COMMD10: variants seen among roughly 807,000 people sequenced by gnomAD.
COMMD10 encodes the protein COMM domain containing 10.
A neutral mutation model predicts 28.9 loss-of-function variants in COMMD10; 33 were observed. The observed-to-expected ratio is 1.14, with a 90% CI of 0.87 to 1.53. COMMD10 has a LOEUF of 1.53. COMMD10 is among the 40% of genes most tolerant of loss of function. The pLI is 0.00. For synonymous variants in COMMD10, 110 were observed against 81.7 expected (o/e 1.35, Z -1.87); for missense variants, 310 against 233.4 (o/e 1.33, Z -2.14).
intron 5 of COMMD10, among the ~76,000 whole-genome samples, chr5:116,195,193 C>A (rs1224400618): frequency 6.6e-6 from 1 of 152,082 alleles, no homozygotes. Context: ...CAATGACAAA[C>A]CCACAGCCAA....
intron 6 of COMMD10, among the ~76,000 whole-genome samples, chr5:116,291,807 G>C (rs371595060): frequency 2.0e-5 from 3 of 152,000 alleles, no homozygotes; most frequent in Admixed American, 1.3e-4. Context: ...TAGGATTGTT[G>C]CTTTAATATA....
In COMMD10 at chr5:116,269,046, T is replaced by C. The variant is rs1156402802; in HGVS notation, c.511-22471T>C. Among the ~76,000 whole-genome samples the C allele has an allele frequency of 2.6e-5, 4 of 151,628 alleles. 1 individual carries two copies. Among genetic ancestry groups the C allele is most frequent in the African/African-American group, 9.8e-5 (4 of 41,002 alleles). On this transcript the variant is annotated intron_variant, in intron 5 of 6. Coordinates refer to ENST00000274458, the MANE Select transcript of COMMD10 (RefSeq NM_016144.4). ...CACCAACATGGCACGTGTATACATA[T>C]GTAACAAACCTGCATGTTGTGCACA...
chr5:116,185,277 C>G (rs1240720849), intron 5 of COMMD10, among the ~76,000 whole-genome samples: 1 of 151,892 alleles, frequency 6.6e-6, no homozygotes, highest in Non-Finnish European at 1.5e-5. Context: ...TGCTCTGAGT[C>G]CTAGGTGTCT....
rs1414086330 is a variant in COMMD10, at chr5:116,293,003, A to C, written c.*514A>C. ...GGAAATAATATAGGAAGGAAATGTA[A>C]AATAGTGAGTAGTATGGTATCAGTT... On this transcript the variant is annotated 3_prime_UTR_variant, in exon 7 of 7. Transcript: ENST00000274458. The C allele has an allele frequency of 5.0e-6, 2 of 397,296 alleles. No homozygotes were observed. The highest frequency in any genetic ancestry group is 8.9e-6 in the Non-Finnish European group (2 of 225,286). The allele number at this position is 397,296 out of a possible 1,614,324, so 24.6% of individuals were successfully genotyped here. A position where few individuals can be genotyped will look rare whatever the true frequency, so the allele number is the denominator to read the frequency against.
At chr5:116,257,895 C>A (rs1750336410) in intron 5 of COMMD10, among the ~76,000 whole-genome samples, 1 of 151,688 alleles carries the variant, frequency 6.6e-6, no homozygotes, top group Admixed American at 6.6e-5. Flanking sequence ...AGAATTAATA[C>A]TTAAGCTTTT....
rs994541977 is a variant in COMMD10 at position 116,100,779 on chromosome 5, T to C, written c.399+8079T>C. On this transcript the variant is annotated intron_variant, in intron 4 of 6. Coordinates refer to ENST00000274458, the MANE Select transcript of COMMD10 (RefSeq NM_016144.4). ...TAATACGTCTGTTTTTTGCCATTTA[T>C]TTATTTTTCTTTGTATAAATTCATG... Among the ~76,000 whole-genome samples the C allele has an allele frequency of 3.3e-5, 5 of 152,330 alleles. No individual in the cohort carries two copies. In the East Asian group the frequency reaches 9.6e-4, roughly 29 times the overall value.
intron 5 of COMMD10, among the ~76,000 whole-genome samples, chr5:116,222,212 A>T (rs13174581): frequency 1.3e-5 from 2 of 152,170 alleles, no homozygotes; most frequent in Non-Finnish European, 2.9e-5. Flanking sequence ...CTGTTACTCT[A>T]TTCTCATGAA....
chr5:116,289,737 G>A (rs1345097854), intron 5 of COMMD10, among the ~76,000 whole-genome samples: 2 of 151,806 alleles, frequency 1.3e-5, no homozygotes, highest in African/African-American at 4.9e-5. Context: ...TGAATACACT[G>A]AACACTGTGA....
rs920122486 is a variant in COMMD10, at chr5:116,133,364, C to A, written c.400-704C>A. Among the ~76,000 whole-genome samples, 4 of 152,154 alleles carry A rather than the reference C, an allele frequency of 2.6e-5. No individual in the cohort carries two copies. In the South Asian group the frequency reaches 8.3e-4, roughly 32 times the overall value. On this transcript the variant is annotated intron_variant, in intron 4 of 6. Transcript: ENST00000274458. The stretch of plus-strand genomic sequence containing the variant: ...GTCTTCCTTTACTATTTTTGTCTTA[C>A]TTGATTAAAATTTTGCTGTTGTATT...
chr5:116,232,964 T>A (rs1265258589), intron 5 of COMMD10, among the ~76,000 whole-genome samples: 1 of 152,186 alleles, frequency 6.6e-6, no homozygotes, highest in East Asian at 1.9e-4. Flanking sequence ...GCTCTTACCC[T>A]TAAAAGGATT....
intron 5 of COMMD10, among the ~76,000 whole-genome samples, chr5:116,169,815 A>G (rs1407217742): frequency 1.3e-5 from 2 of 152,116 alleles, no homozygotes; most frequent in African/African-American, 4.8e-5. Context: ...CACTCAATAA[A>G]CTAGGTACTG....
chr5:116,233,036 T>C (rs1230895113), intron 5 of COMMD10, among the ~76,000 whole-genome samples: 3 of 152,180 alleles, frequency 2.0e-5, no homozygotes, highest in Non-Finnish European at 4.4e-5. Flanking sequence ...ATTTATAATA[T>C]TTATTCATTC....
At chr5:116,269,570 C>T (rs1041183117) in intron 5 of COMMD10, among the ~76,000 whole-genome samples, 3 of 151,608 alleles carry the variant, frequency 2.0e-5, no homozygotes, top group Non-Finnish European at 2.9e-5. Context: ...TTCAATGTTA[C>T]TTTTTATTAC....
chr5:116,186,224 A>G (rs1011021082), intron 5 of COMMD10, among the ~76,000 whole-genome samples: 1 of 152,110 alleles, frequency 6.6e-6, no homozygotes, highest in Admixed American at 6.6e-5. Context: ...TTTTTAAACA[A>G]ATTGTTTATT....
At chr5:116,187,682 T>G (rs13163088) in intron 5 of COMMD10, among the ~76,000 whole-genome samples, 98,245 of 151,916 alleles carry the variant, frequency 0.65, 36,768 homozygotes, top group South Asian at 0.86. Context: ...CCAACGGAAA[T>G]TTGGAAATGA....
chr5:116,278,589 A>G (rs1299502108), intron 5 of COMMD10, among the ~76,000 whole-genome samples: 1 of 151,886 alleles, frequency 6.6e-6, no homozygotes, highest in Non-Finnish European at 1.5e-5. Flanking sequence ...TAATAGCCAA[A>G]ATGAATATAT....
At chr5:116,143,839 G>A (rs1561627955) in intron 5 of COMMD10, among the ~76,000 whole-genome samples, 1 of 151,734 alleles carries the variant, frequency 6.6e-6, no homozygotes. Context: ...CAAGGTATTC[G>A]TGATATAGGC....
chr5:116,230,839 A>T (rs1749511914), intron 5 of COMMD10, among the ~76,000 whole-genome samples: 1 of 151,854 alleles, frequency 6.6e-6, no homozygotes, highest in African/African-American at 2.4e-5. Context: ...TACATGATAT[A>T]TAGATAAATA....
intron 5 of COMMD10, among the ~76,000 whole-genome samples, chr5:116,241,633 G>T (rs1056426184): frequency 1.2e-5 from 1 of 83,790 alleles, no homozygotes; most frequent in Non-Finnish European, 2.7e-5. Flanking sequence ...TTTATTTTGA[G>T]ATGGAGTCTC....
Sources: allele counts gnomAD v4.1 joint callset (sites outside exome capture counted in the v4.1 genomes callset), GRCh38; gene constraint gnomAD v4.1.1; transcripts MANE v1.5; gene names NCBI Gene and HGNC (gene_info 2026-07-23, HGNC 2026-07-21).